KCNK3: variants seen among roughly 807,000 people sequenced by gnomAD.
KCNK3 encodes the protein potassium two pore domain channel subfamily K member 3, also known as potassium channel subfamily K member 3.
A neutral mutation model predicts 27.3 loss-of-function variants in KCNK3; 9 were observed. The observed-to-expected ratio is 0.33, with a 90% CI of 0.20 to 0.57. KCNK3 has a LOEUF of 0.57. Ranked by LOEUF, KCNK3 falls within the 20% of genes least tolerant of loss-of-function variation. The probability of loss-of-function intolerance (pLI) is 0.87; values close to 1 mark genes in which losing one functional copy is unlikely to be tolerated. For missense variants in KCNK3, 391 were observed against 577.7 expected (o/e 0.68, Z 3.31); for synonymous variants, 278 against 273.8 (o/e 1.02, Z -0.15).
chr2:26,724,408 A>C, intron 1 of KCNK3: 2 of 162,616 alleles, frequency 1.2e-5, no homozygotes, highest in Non-Finnish European at 2.6e-5. Context: ...GCTCCCACGT[A>C]CCGGAATGAA....
At position 26,693,248 on chromosome 2, in the gene KCNK3, G is replaced by T. The variant is rs980971980; in HGVS notation, c.283+90G>T. ...GGGCCGGCTGGGGCTGGGGGCGGGG[G>T]CTCCCCCGAGAGGGGCTGGGCGCCG... On this transcript the variant is annotated intron_variant, in intron 1 of 1. Coordinates refer to ENST00000302909, the MANE Select transcript of KCNK3 (RefSeq NM_002246.3). This position sits in a 1 kb window ranked among gnomAD's most constrained non-coding sequence, Gnocchi z 5.5. 14 of 1,165,728 alleles carry T rather than the reference G, an allele frequency of 1.2e-5. No homozygotes were observed. In the African/African-American group the frequency reaches 1.6e-4, roughly 14 times the overall value. 72.2% of individuals were successfully genotyped at this position (1,165,728 alleles called of 1,614,324 possible).
chr2:26,725,314 G>A (rs7595637), intron 1 of KCNK3, among the ~76,000 whole-genome samples: 62,256 of 152,078 alleles, frequency 0.41, 14,816 homozygotes, highest in Non-Finnish European at 0.53. Flanking sequence ...CTCCTGCAGA[G>A]GGCTCTGGCG....
intron 1 of KCNK3, among the ~76,000 whole-genome samples, chr2:26,709,320 T>G (rs1326054980): frequency 6.6e-6 from 1 of 152,044 alleles, no homozygotes; most frequent in Non-Finnish European, 1.5e-5. Flanking sequence ...TGAGATCAGC[T>G]GGGAAGGGGG....
Position 26,727,872 on chromosome 2 carries a change from C to G in KCNK3, c.489C>G (p.Gly163=). 1 of 1,614,190 alleles carries G rather than the reference C, an allele frequency of 6.2e-7. No individual in the cohort carries two copies. Among genetic ancestry groups the G allele is most frequent in the South Asian group, 1.1e-5 (1 of 91,088 alleles). Reference sequence around the variant, plus strand: ...CCATGGCCAACATGGTGCTCATCGGCTTCTTCTCGTGCATCAGCACGCTGT... The same window carrying G: ...CCATGGCCAACATGGTGCTCATCGGGTTCTTCTCGTGCATCAGCACGCTGT... The part of the protein sequence containing the change: ...DVSMANMVLI[G]FFSCISTLCI... The change falls in exon 2 of 2, where the codon GGC becomes GGG. Residue 163 remains glycine, a synonymous_variant. Transcript: ENST00000302909.
intron 1 of KCNK3, among the ~76,000 whole-genome samples, chr2:26,711,080 G>A (rs1663102314): frequency 6.6e-6 from 1 of 152,182 alleles, no homozygotes. Flanking sequence ...CTGGCTCCAG[G>A]GGGGTTCTTG....
chr2:26,693,110 C>A lies in KCNK3; in HGVS notation c.235C>A (p.Arg79Ser). 1 of 1,589,158 alleles carries A rather than the reference C, an allele frequency of 6.3e-7. No homozygotes were observed. The highest frequency in any genetic ancestry group is 8.6e-7 in the Non-Finnish European group (1 of 1,167,536). Reference protein sequence around the residue: ...LKPHKAGVQWRFAGSFYFAIT... With the variant: ...LKPHKAGVQWSFAGSFYFAIT... ...GCCGCACAAGGCCGGCGTGCAGTGG[C>A]GCTTCGCCGGCTCCTTCTACTTCGC... is the stretch of plus-strand genomic sequence containing the variant. Residue 79 changes from arginine to serine, a missense_variant, in exon 1 of 2, where the codon CGC becomes AGC. Around this residue, in one of 4 missense-constraint regions of KCNK3, gnomAD observed 158 missense variants for 267.7 expected, o/e 0.59. Coordinates refer to ENST00000302909, the MANE Select transcript of KCNK3 (RefSeq NM_002246.3). The surrounding 1 kb of genome is among the most constrained non-coding windows in gnomAD (Gnocchi z 5.5).
At position 26,692,999 on chromosome 2, in the gene KCNK3, G is replaced by A; in HGVS notation, c.124G>A (p.Glu42Lys). 6.3e-7 allele frequency: 1 copy of A among 1,577,288 alleles called. No individual in the cohort carries two copies. The highest frequency in any genetic ancestry group is 2.4e-5 in the East Asian group (1 of 42,414). The change falls in exon 1 of 2, where the codon GAG (glutamate) becomes AAG (lysine). Residue 42 changes from glutamate (E) to lysine (K), a missense_variant. Physicochemically the swap from Glu to Lys is moderately conservative, Grantham distance 56 (BLOSUM62 1). Transcript: ENST00000302909. The surrounding 1 kb of genome is among the most constrained non-coding windows in gnomAD (Gnocchi z 5.6). ...EPELIERQRL[E>K]LRQQELRARY... is the part of the protein sequence containing the mutation. The stretch of plus-strand genomic sequence containing the variant: ...CGAGCTGATCGAGCGGCAGCGGCTG[G>A]AGCTGCGGCAGCAGGAGCTGCGGGC...
In KCNK3 at chr2:26,692,831, G is replaced by A; in HGVS notation, c.-45G>A. The A allele has an allele frequency of 1.8e-6, 2 of 1,090,854 alleles. No individual in the cohort carries two copies. Among genetic ancestry groups the A allele is most frequent in the South Asian group, 4.4e-5 (1 of 22,922 alleles). The allele number at this position is 1,090,854 out of a possible 1,614,324, so 67.6% of individuals were successfully genotyped here. A position where few individuals can be genotyped will look rare whatever the true frequency, so the allele number is the denominator to read the frequency against. ...CAGCAGCGGCGGCCGGGGCCGAGGCGCGGGCCGGGGGCGCCGGGGGGCCGG... is the reference window on the plus strand; with the variant it reads ...CAGCAGCGGCGGCCGGGGCCGAGGCACGGGCCGGGGGCGCCGGGGGGCCGG... On this transcript the variant is annotated 5_prime_UTR_variant, in exon 1 of 2. Coordinates refer to ENST00000302909, the MANE Select transcript of KCNK3 (RefSeq NM_002246.3). This position sits in a 1 kb window ranked among gnomAD's most constrained non-coding sequence, Gnocchi z 5.6.
At chr2:26,703,689 C>T (rs1670336206) in intron 1 of KCNK3, among the ~76,000 whole-genome samples, 1 of 152,184 alleles carries the variant, frequency 6.6e-6, no homozygotes. Flanking sequence ...AAAACTAAGA[C>T]CTAGAGCCTT....
intron 1 of KCNK3, chr2:26,724,461 G>C (rs1409721090): frequency 2.7e-6 from 1 of 364,894 alleles, no homozygotes; most frequent in East Asian, 1.7e-4. Context: ...AACACCCAAG[G>C]CCTCTCTGGA....
intron 1 of KCNK3, among the ~76,000 whole-genome samples, chr2:26,725,909 T>C (rs529432215): frequency 1.3e-5 from 2 of 152,296 alleles, no homozygotes; most frequent in East Asian, 3.9e-4. Context: ...ATCTGGCACT[T>C]CACTCATTAT....
chr2:26,712,479 C>T (rs1416525202), intron 1 of KCNK3, among the ~76,000 whole-genome samples: 23 of 152,110 alleles, frequency 1.5e-4, no homozygotes, highest in Admixed American at 1.5e-3. Flanking sequence ...TTCTTTAGAT[C>T]CCTAAGGGCC....
rs189046848 is a variant in KCNK3, at chr2:26,715,445, C to T, written c.284-12222C>T. 4.3e-3 allele frequency among the ~76,000 whole-genome samples: 652 copies of T among 152,328 alleles called. 1 individual carries two copies. The highest frequency in any genetic ancestry group is 0.014 in the Middle Eastern group (4 of 294). On this transcript the variant is annotated intron_variant, in intron 1 of 1. Coordinates refer to ENST00000302909, the MANE Select transcript of KCNK3 (RefSeq NM_002246.3). Reference sequence around the variant, plus strand: ...GTACCCCTGCCCTCGATAGCCTCTGCGTACAGACTTACAGGACAAAATGAC... The same window carrying T: ...GTACCCCTGCCCTCGATAGCCTCTGTGTACAGACTTACAGGACAAAATGAC...
Position 26,732,680 on chromosome 2 carries a change from CA to C in KCNK3, c.*4116del, listed in dbSNP as rs1663562381. 1 of 152,296 alleles carries C rather than the reference CA, an allele frequency of 6.6e-6. No individual in the cohort carries two copies. The allele number at this position is 152,296 out of a possible 1,614,324, so 9.4% of individuals were successfully genotyped here. ...TCACCCACTCCTAAGGCCACCACATCAAAATCTGAGGCTTACTGCCCTGTCC... is the reference window on the plus strand; with the variant it reads ...TCACCCACTCCTAAGGCCACCACATCAAATCTGAGGCTTACTGCCCTGTCC... On this transcript the variant is annotated 3_prime_UTR_variant, in exon 2 of 2. Transcript: ENST00000302909.
rs1663451154 is a variant in KCNK3, at chr2:26,727,803, G to T, written c.420G>T (p.Leu140=). The T allele has an allele frequency of 3.1e-6, 5 of 1,611,294 alleles. No individual in the cohort carries two copies. The highest frequency in any genetic ancestry group is 4.2e-6 in the Non-Finnish European group (5 of 1,177,906). The part of the protein sequence containing the change: ...ERINTLVRYL[L]HRAKKGLGMR... ...TCAACACCTTGGTGAGGTACCTGCT[G>T]CACCGCGCCAAGAAGGGGCTGGGCA... The change falls in exon 2 of 2, where the codon CTG becomes CTT. Residue 140 remains leucine (L), a synonymous_variant. Coordinates refer to ENST00000302909, the MANE Select transcript of KCNK3 (RefSeq NM_002246.3).
chr2:26,732,767 T>C lies in KCNK3; in HGVS notation c.*4199T>C, dbSNP rs995978801. 2 of 152,296 alleles carry C rather than the reference T, an allele frequency of 1.3e-5. No homozygotes were observed. Among genetic ancestry groups the C allele is most frequent in the South Asian group, 2.1e-4 (1 of 4,832 alleles). 9.4% of individuals were successfully genotyped at this position (152,296 alleles called of 1,614,324 possible). A position where few individuals can be genotyped will look rare whatever the true frequency, so the allele number is the denominator to read the frequency against. ...AACAATAGCAGAAATTAGCTTGTTTTTGAGGTTGGCAATGACCAGTTCAAG... is the reference window on the plus strand; with the variant it reads ...AACAATAGCAGAAATTAGCTTGTTTCTGAGGTTGGCAATGACCAGTTCAAG... On this transcript the variant is annotated 3_prime_UTR_variant, in exon 2 of 2. Coordinates refer to ENST00000302909, the MANE Select transcript of KCNK3 (RefSeq NM_002246.3).
At chr2:26,695,769 A>G (rs969934167) in intron 1 of KCNK3, among the ~76,000 whole-genome samples, 1 of 152,148 alleles carries the variant, frequency 6.6e-6, no homozygotes, top group African/African-American at 2.4e-5. Flanking sequence ...TCACCAAGAG[A>G]GACGCTAAAA....
At chr2:26,703,176 G>C (rs1670331250) in intron 1 of KCNK3, among the ~76,000 whole-genome samples, 1 of 152,150 alleles carries the variant, frequency 6.6e-6, no homozygotes, top group Non-Finnish European at 1.5e-5. Flanking sequence ...GCTGTCCACA[G>C]GCAGAATTTC....
chr2:26,707,047 A>G (rs1670383933), intron 1 of KCNK3, among the ~76,000 whole-genome samples: 1 of 152,122 alleles, frequency 6.6e-6, no homozygotes, highest in African/African-American at 2.4e-5. Context: ...GCTTCACCCC[A>G]TGCTGTCCGA....
Sources: gnomAD v4.1 joint callset for allele counts (sites outside exome capture counted in the v4.1 genomes callset) on GRCh38, gnomAD v4.1.1 for gene constraint, gnomAD v4.1.1 regional missense constraint, Gnocchi (gnomAD v3.1) non-coding constraint, MANE v1.5 for transcripts, NCBI Gene and HGNC (gene_info 2026-07-23, HGNC 2026-07-21) for gene names.